PPP2R2B: variants seen among roughly 807,000 people sequenced by gnomAD.
PPP2R2B encodes the protein serine/threonine-protein phosphatase 2A 55 kDa regulatory subunit B beta isoform.
A neutral mutation model predicts 46.0 loss-of-function variants in PPP2R2B; 5 were observed. The ratio of observed to expected loss-of-function variants is 0.11; its 90% confidence interval spans 0.06 to 0.23. The LOEUF (loss-of-function observed/expected upper bound fraction) is 0.23, where lower values mean the gene tolerates loss of function less well. Among genes scored for constraint, PPP2R2B ranks in the 10% least tolerant of loss-of-function variants. The pLI is 1.00. For missense variants in PPP2R2B, 367 were observed against 575.0 expected (o/e 0.64, Z 3.70); for synonymous variants, 215 against 206.7 (o/e 1.04, Z -0.34).
At chr5:147,019,595 G>GT (rs111891679) in intron 1 of PPP2R2B, among the ~76,000 whole-genome samples, 3,245 of 151,182 alleles carry the variant, frequency 0.021, 129 homozygotes, top group East Asian at 0.19. Flanking sequence ...GTTTTGTTTT[G>GT]TTTTTTTTTA....
At position 146,665,943 on chromosome 5, in the gene PPP2R2B, G is replaced by A. The variant is rs115938429; in HGVS notation, c.448-15219C>T. Among the ~76,000 whole-genome samples, 416 of 152,336 alleles carry A rather than the reference G, an allele frequency of 2.7e-3. 1 individual carries two copies. The highest frequency in any genetic ancestry group is 9.5e-3 in the African/African-American group (395 of 41,580). On this transcript the variant is annotated intron_variant, in intron 5 of 9. Transcript: ENST00000394411. ...GGTGCTAATAGATTTGCTTGTTGCAGTGTTGCTACAAACCTTTAACTTGTA... is the reference window on the plus strand; with the variant it reads ...GGTGCTAATAGATTTGCTTGTTGCAATGTTGCTACAAACCTTTAACTTGTA...
At chr5:146,883,182 G>A (rs1306563898), upstream of PPP2R2B, among the ~76,000 whole-genome samples, 1 of 152,332 alleles carries the variant, frequency 6.6e-6, no homozygotes, top group African/African-American at 2.4e-5. Context: ...GACCTTTGGT[G>A]AGTAGTTTAA....
intron 7 of PPP2R2B, among the ~76,000 whole-genome samples, chr5:146,603,711 A>G (rs1480475252): frequency 6.6e-6 from 1 of 152,232 alleles, no homozygotes; most frequent in East Asian, 1.9e-4. Flanking sequence ...TGGGAAGCTT[A>G]TAATACTGCA....
At chr5:146,828,882 A>C (rs1339812204) in intron 2 of PPP2R2B, among the ~76,000 whole-genome samples, 1 of 152,176 alleles carries the variant, frequency 6.6e-6, no homozygotes, top group Non-Finnish European at 1.5e-5. Context: ...TATTTAGTAA[A>C]ATGATACCAA....
chr5:146,901,745 T>A (rs2151435689), intron 1 of PPP2R2B, among the ~76,000 whole-genome samples: 1 of 152,150 alleles, frequency 6.6e-6, no homozygotes, highest in South Asian at 2.1e-4. Flanking sequence ...GTTAGAGTGG[T>A]CAGGAAAATA....
chr5:146,691,890 C>T (rs924595030), intron 4 of PPP2R2B, among the ~76,000 whole-genome samples: 10 of 152,170 alleles, frequency 6.6e-5, no homozygotes, highest in Non-Finnish European at 1.5e-5. Flanking sequence ...ATAATTTGCT[C>T]CTTTACTTTC....
chr5:146,866,955 G>A (rs1761347954), intron 2 of PPP2R2B, among the ~76,000 whole-genome samples: 1 of 152,122 alleles, frequency 6.6e-6, no homozygotes, highest in African/African-American at 2.4e-5. Context: ...TGGTACATAG[G>A]CAAACTTCTG....
intron 1 of PPP2R2B, among the ~76,000 whole-genome samples, chr5:147,008,978 C>G (rs147547417): frequency 6.6e-6 from 1 of 152,254 alleles, no homozygotes; most frequent in African/African-American, 2.4e-5. Flanking sequence ...CTTTACTGAT[C>G]TATGCTTGAA....
chr5:147,042,708 C>T (rs1251117699), intron 1 of PPP2R2B, among the ~76,000 whole-genome samples: 1 of 152,020 alleles, frequency 6.6e-6, no homozygotes, highest in African/African-American at 2.4e-5. Flanking sequence ...AAATGATAAA[C>T]AAATACATAA....
intron 1 of PPP2R2B, among the ~76,000 whole-genome samples, chr5:146,899,247 G>C (rs555130725): frequency 3.3e-4 from 48 of 146,798 alleles, no homozygotes; most frequent in African/African-American, 1.1e-3. Flanking sequence ...ATGATAGACT[G>C]GATTAAGAAA....
intron 5 of PPP2R2B, among the ~76,000 whole-genome samples, chr5:146,676,169 C>T (rs1371904333): frequency 6.6e-6 from 1 of 152,088 alleles, no homozygotes; most frequent in Non-Finnish European, 1.5e-5. Context: ...AACTCTTCTG[C>T]CAGGAACTAT....
intron 2 of PPP2R2B, among the ~76,000 whole-genome samples, chr5:146,810,626 T>G (rs1757474388): frequency 6.6e-6 from 1 of 152,184 alleles, no homozygotes; most frequent in African/African-American, 2.4e-5. Context: ...GCAAAGTTCA[T>G]GTATGCTCTT....
intron 1 of PPP2R2B, chr5:147,035,260 GAA>G: frequency 2.6e-6 from 1 of 387,922 alleles, no homozygotes; most frequent in South Asian, 1.9e-5. Context: ...TAGCAGGAGA[GAA>G]AGAGAGAGAG....
intron 2 of PPP2R2B, among the ~76,000 whole-genome samples, chr5:146,872,901 CCCTGAAA>C (rs1440495755): frequency 6.6e-6 from 1 of 152,146 alleles, no homozygotes; most frequent in Non-Finnish European, 1.5e-5. Flanking sequence ...TCAAATTTTG[CCCTGAAA>C]TGTTCTTATC....
At position 146,755,805 on chromosome 5, in the gene PPP2R2B, C is replaced by CATTT. The variant is rs750934614; in HGVS notation, c.71-54667_71-54664dup. Among the ~76,000 whole-genome samples, 32 of 152,302 alleles carry CATTT rather than the reference C, an allele frequency of 2.1e-4. No homozygotes were observed. In the South Asian group the frequency reaches 2.3e-3, roughly 11 times the overall value. On this transcript the variant is annotated intron_variant, in intron 2 of 9. Coordinates refer to ENST00000394411, the MANE Select transcript of PPP2R2B (RefSeq NM_181675.4). Reference sequence around the variant, plus strand: ...CAACTTCGAGCCTGGGGGTCTGCATCATTTAATAGCAGTTCCAAGGCAAGG... The same window carrying CATTT: ...CAACTTCGAGCCTGGGGGTCTGCATCATTTATTTAATAGCAGTTCCAAGGCAAGG...
chr5:146,875,566 CAATGTGG>C (rs1343572236), intron 2 of PPP2R2B, among the ~76,000 whole-genome samples: 1 of 151,882 alleles, frequency 6.6e-6, no homozygotes, highest in East Asian at 1.9e-4. Flanking sequence ...TAGAACACTG[CAATGTGG>C]AATGATCTGA....
At chr5:146,965,526 T>G (rs1344361209) in intron 1 of PPP2R2B, among the ~76,000 whole-genome samples, 1 of 152,086 alleles carries the variant, frequency 6.6e-6, no homozygotes, top group Non-Finnish European at 1.5e-5. Context: ...GTGCCCTCCA[T>G]TCCTCTAAGA....
intron 6 of PPP2R2B, 113 bp from the exon 7 acceptor site, chr5:146,638,528 G>A: frequency 2.0e-6 from 2 of 999,954 alleles, no homozygotes; most frequent in Non-Finnish European, 2.9e-6. Context: ...CATTTGCTAT[G>A]CACATGGTAG....
At chr5:147,009,781 C>T (rs1258082162) in intron 1 of PPP2R2B, among the ~76,000 whole-genome samples, 2 of 151,790 alleles carry the variant, frequency 1.3e-5, no homozygotes. Context: ...ACAACTATCC[C>T]AAGTGTAAAA....
Sources: gnomAD v4.1 joint callset for allele counts (sites outside exome capture counted in the v4.1 genomes callset) on GRCh38, gnomAD v4.1.1 for gene constraint, MANE v1.5 for transcripts, NCBI Gene and HGNC (gene_info 2026-07-23, HGNC 2026-07-21) for gene names.